The following SPAST variants were observed in gnomAD, a reference collection of about 807,000 sequenced individuals.
SPAST encodes the protein spastic paraplegia 4 (autosomal dominant; spastin).
A neutral mutation model predicts 76.6 loss-of-function variants in SPAST; 30 were observed. The observed-to-expected ratio is 0.39, with a 90% CI of 0.29 to 0.53. The LOEUF is 0.53. Ranked by LOEUF, SPAST falls within the 20% of genes least tolerant of loss-of-function variation. SPAST has a pLI of 0.68. For synonymous variants in SPAST, 305 were observed against 281.0 expected (o/e 1.09, Z -0.86); for missense variants, 717 against 770.5 (o/e 0.93, Z 0.82).
intron 9 of SPAST, among the ~76,000 whole-genome samples, chr2:32,132,589 T>A (rs1175753522): frequency 6.6e-6 from 1 of 151,974 alleles, no homozygotes; most frequent in Non-Finnish European, 1.5e-5. Flanking sequence ...TATATCTGCT[T>A]CCCTCCAGTC....
intron 5 of SPAST, 90 bp from the exon 6 acceptor site, chr2:32,115,612 C>G: frequency 1.0e-6 from 1 of 1,003,936 alleles, no homozygotes; most frequent in East Asian, 2.4e-5. Context: ...ATTTTTAAAG[C>G]TTGAATTCTG....
At chr2:32,087,042 G>A (rs1290160845) in intron 1 of SPAST, among the ~76,000 whole-genome samples, 2 of 152,076 alleles carry the variant, frequency 1.3e-5, no homozygotes, top group Non-Finnish European at 2.9e-5. Context: ...TTCTCATGAT[G>A]CAATCAATTG....
chr2:32,125,902 T>C (rs889748350), intron 7 of SPAST, among the ~76,000 whole-genome samples: 11 of 152,050 alleles, frequency 7.2e-5, no homozygotes, highest in African/African-American at 1.2e-4. Context: ...TCACGCCATT[T>C]TCCTGCCTCA....
chr2:32,083,776 A>ATATATATATATATATATAT (rs1553398791), intron 1 of SPAST, among the ~76,000 whole-genome samples: 1 of 46,088 alleles, frequency 2.2e-5, no homozygotes. Flanking sequence ...ATATATATAT[A>ATATATATATATATATATAT]TTTTTTTTTT....
intron 15 of SPAST, among the ~76,000 whole-genome samples, chr2:32,146,633 A>T (rs1357294939): frequency 6.6e-6 from 1 of 152,020 alleles, no homozygotes; most frequent in Non-Finnish European, 1.5e-5. Flanking sequence ...TTGGGAGGCC[A>T]AGATGGGTGG....
intron 4 of SPAST, among the ~76,000 whole-genome samples, chr2:32,110,227 TCCTGCTTCAGTCTCCCGAGTA>T (rs555168938): frequency 5.2e-4 from 77 of 149,190 alleles, no homozygotes; most frequent in African/African-American, 1.8e-3. Flanking sequence ...CAAGCAATTC[TCCTGCTTCAGTCTCCCGAGTA>T]CCTGGGATTA....
chr2:32,084,456 C>T (rs1354799340), intron 1 of SPAST, among the ~76,000 whole-genome samples: 1 of 151,904 alleles, frequency 6.6e-6, no homozygotes, highest in Non-Finnish European at 1.5e-5. Flanking sequence ...GAGCCACCGC[C>T]CCTGGCCTAC....
intron 16 of SPAST, among the ~76,000 whole-genome samples, chr2:32,153,283 C>T (rs1439284941): frequency 6.6e-6 from 1 of 150,452 alleles, no homozygotes; most frequent in Non-Finnish European, 1.5e-5. Flanking sequence ...TGATTTTTAA[C>T]ACAGGTCATT....
intron 12 of SPAST, among the ~76,000 whole-genome samples, chr2:32,138,269 T>G (rs1288440282): frequency 2.6e-5 from 4 of 152,236 alleles, no homozygotes; most frequent in African/African-American, 9.6e-5. Context: ...TTTACATTCC[T>G]ACCAGCAGTA....
intron 4 of SPAST, among the ~76,000 whole-genome samples, chr2:32,107,005 C>A (rs1210918422): frequency 6.6e-6 from 1 of 151,766 alleles, no homozygotes; most frequent in Non-Finnish European, 1.5e-5. Context: ...ATTCTCCAGC[C>A]CTGAAGAGTT....
At chr2:32,139,044 T>C (rs547198926) in intron 12 of SPAST, among the ~76,000 whole-genome samples, 126 of 152,358 alleles carry the variant, frequency 8.3e-4, no homozygotes, top group African/African-American at 2.9e-3. Context: ...ACCAGAATTA[T>C]GCTGTTTGGG....
chr2:32,093,849 C>T (rs893243481), intron 3 of SPAST, among the ~76,000 whole-genome samples: 4 of 152,044 alleles, frequency 2.6e-5, no homozygotes, highest in Non-Finnish European at 4.4e-5. Flanking sequence ...GCCAGATACG[C>T]CAATTTGCCG....
At chr2:32,128,364 A>G (rs764531815) in intron 8 of SPAST, 44 bp from the exon 9 acceptor site, 3 of 1,271,302 alleles carry the variant, frequency 2.4e-6, no homozygotes, top group Non-Finnish European at 2.3e-6. Flanking sequence ...TTTTAAATGT[A>G]ATATATTGAA....
rs552244842 is a variant in SPAST at position 32,121,228 on chromosome 2, C to T, written c.1098+5016C>T. On this transcript the variant is annotated intron_variant, in intron 7 of 16. Coordinates refer to ENST00000315285, the MANE Select transcript of SPAST (RefSeq NM_014946.4). ...AGTGCAGTGGTGCAACCTCAGCTCACTGCAACCTCCACCTCTGGGGTTCAA... is the reference window on the plus strand; with the variant it reads ...AGTGCAGTGGTGCAACCTCAGCTCATTGCAACCTCCACCTCTGGGGTTCAA... Among the ~76,000 whole-genome samples, 103 of 152,298 alleles carry T rather than the reference C, an allele frequency of 6.8e-4. 1 individual carries two copies. The South Asian group carries it at 0.02, about 30-fold the overall frequency.
In SPAST at chr2:32,083,758, A is replaced by AG. The variant is rs1677348492; in HGVS notation, c.416-3734_416-3733insG. 8.9e-5 allele frequency among the ~76,000 whole-genome samples: 4 copies of AG among 44,864 alleles called. No homozygotes were observed. In the East Asian group the frequency reaches 2.4e-3, roughly 26 times the overall value. 29.4% of individuals were successfully genotyped at this position (44,864 alleles called of 152,430 possible). ...ATATATATTTATATATACTATATAT[A>AG]TATATATATATATATATATTTTTTT... On this transcript the variant is annotated intron_variant, in intron 1 of 16. Coordinates refer to ENST00000315285, the MANE Select transcript of SPAST (RefSeq NM_014946.4).
intron 16 of SPAST, among the ~76,000 whole-genome samples, chr2:32,147,626 G>GT (rs1217446285): frequency 7.6e-6 from 1 of 131,046 alleles, no homozygotes; most frequent in Non-Finnish European, 1.6e-5. Flanking sequence ...TGTTTTGTTT[G>GT]TTTGTTTGTT....
chr2:32,080,428 A>AGATAATGTAGTTACACTATTGGCT (rs70938318), intron 1 of SPAST, among the ~76,000 whole-genome samples: 59,916 of 151,220 alleles, frequency 0.4, 12,153 homozygotes, highest in East Asian at 0.64. Flanking sequence ...GGCATGCATT[A>AGATAATGTAGTTACACTATTGGCT]GATAATGTAG....
At chr2:32,107,632 A>G (rs2148724943) in intron 4 of SPAST, among the ~76,000 whole-genome samples, 1 of 152,298 alleles carries the variant, frequency 6.6e-6, no homozygotes, top group Middle Eastern at 3.4e-3. Context: ...TTTTTGGGTT[A>G]AGGATGCTGA....
chr2:32,109,656 G>C (rs1162977129), intron 4 of SPAST, among the ~76,000 whole-genome samples: 2 of 145,996 alleles, frequency 1.4e-5, no homozygotes, highest in African/African-American at 5.1e-5. Context: ...ATTCCCTTCT[G>C]TCACTCTTCA....
Sources: gnomAD v4.1 joint callset for allele counts (sites outside exome capture counted in the v4.1 genomes callset) on GRCh38, gnomAD v4.1.1 for gene constraint, MANE v1.5 for transcripts, NCBI Gene and HGNC (gene_info 2026-07-23, HGNC 2026-07-21) for gene names.